Variants in XRN1 observed in about 807,000 individuals in gnomAD.
XRN1 encodes 5'-3' exoribonuclease 1.
A neutral mutation model predicts 222.3 loss-of-function variants in XRN1; 67 were observed. The observed-to-expected ratio is 0.30, with a 90% CI of 0.25 to 0.37. XRN1 has a LOEUF of 0.37. XRN1 is among the 10% of genes least tolerant of loss of function. The pLI, the probability that XRN1 is intolerant of heterozygous loss-of-function variation, is 1.00. For missense variants in XRN1, 1,707 were observed against 2,000.2 expected, an observed-to-expected ratio of 0.85 and a Z score of 2.80; for synonymous variants, 643 against 652.4, an observed-to-expected ratio of 0.99 and a Z score of 0.22.
intron 1 of XRN1, among the ~76,000 whole-genome samples, chr3:142,436,929 AT>A (rs35661615): frequency 6.6e-6 from 1 of 152,144 alleles, no homozygotes; most frequent in African/African-American, 2.4e-5. Context: ...TAATTTTTAT[AT>A]TTTTCCGCAT....
At chr3:142,322,830 C>T (rs1251103829) in intron 37 of XRN1, among the ~76,000 whole-genome samples, 1 of 152,046 alleles carries the variant, frequency 6.6e-6, no homozygotes, top group East Asian at 1.9e-4. Context: ...TGGTGAAACC[C>T]CGTCTCTATT....
chr3:142,432,111 AATAT>A (rs1363254866), intron 2 of XRN1, among the ~76,000 whole-genome samples: 23 of 112,728 alleles, frequency 2.0e-4, no homozygotes, highest in African/African-American at 7.7e-4. Flanking sequence ...ATTATATATA[AATAT>A]ATAAATATAT....
chr3:142,371,135 A>C, intron 26 of XRN1, 104 bp downstream of exon 26: 1 of 989,528 alleles, frequency 1.0e-6, no homozygotes, highest in South Asian at 1.6e-5. Flanking sequence ...GTCTCAAAAA[A>C]AAAAAAAAAA....
chr3:142,346,971 A>G (rs2066161063), intron 33 of XRN1, among the ~76,000 whole-genome samples: 1 of 152,228 alleles, frequency 6.6e-6, no homozygotes, highest in Admixed American at 6.5e-5. Flanking sequence ...ATATCCATAG[A>G]GGCAGAAAGT....
chr3:142,397,925 A>G (rs1212650250), intron 19 of XRN1, among the ~76,000 whole-genome samples: 2 of 152,194 alleles, frequency 1.3e-5, no homozygotes, highest in African/African-American at 4.8e-5. Context: ...GTATTCTACA[A>G]ATATATACAA....
chr3:142,393,271 A>G (rs1177789606), intron 20 of XRN1, among the ~76,000 whole-genome samples: 1 of 149,986 alleles, frequency 6.7e-6, no homozygotes, highest in Non-Finnish European at 1.5e-5. Flanking sequence ...CCCATTTTGT[A>G]GGTCGCCTGT....
At chr3:142,325,418 AT>A (rs1336212831) in intron 37 of XRN1, among the ~76,000 whole-genome samples, 1 of 151,914 alleles carries the variant, frequency 6.6e-6, no homozygotes, top group Non-Finnish European at 1.5e-5. Flanking sequence ...TTATAGTTAT[AT>A]TTTATTTTTT....
intron 2 of XRN1, 106 bp downstream of exon 2, chr3:142,432,555 G>A (rs1005041733): frequency 1.1e-4 from 123 of 1,077,684 alleles, no homozygotes; most frequent in Admixed American, 1.5e-4. Context: ...GGGAGTTTAC[G>A]CAGAAAATAA....
At chr3:142,370,984 A>T (rs572315869) in intron 26 of XRN1, among the ~76,000 whole-genome samples, 2 of 152,254 alleles carry the variant, frequency 1.3e-5, no homozygotes, top group Non-Finnish European at 2.9e-5. Flanking sequence ...CAAAAAAAAA[A>T]ATTAGTCAAA....
At chr3:142,326,851 A>C (rs1294849523) in intron 37 of XRN1, among the ~76,000 whole-genome samples, 1 of 152,142 alleles carries the variant, frequency 6.6e-6, no homozygotes, top group African/African-American at 2.4e-5. Flanking sequence ...AATTTTATCA[A>C]ACACTTTTTC....
At chr3:142,352,241 T>C (rs549343269) in intron 32 of XRN1, among the ~76,000 whole-genome samples, 1 of 152,316 alleles carries the variant, frequency 6.6e-6, no homozygotes, top group East Asian at 1.9e-4. Context: ...CCCCAAGGCA[T>C]AATTGGGCAA....
At chr3:142,385,234 G>T (rs1310334515) in intron 20 of XRN1, among the ~76,000 whole-genome samples, 3 of 152,022 alleles carry the variant, frequency 2.0e-5, no homozygotes, top group African/African-American at 7.2e-5. Context: ...GTTCATAAAT[G>T]AACAAATGGA....
At chr3:142,372,127 T>C (rs2067007612) in intron 25 of XRN1, among the ~76,000 whole-genome samples, 1 of 152,160 alleles carries the variant, frequency 6.6e-6, no homozygotes, top group Non-Finnish European at 1.5e-5. Context: ...TACTGTCATG[T>C]GGTTGCCTGC....
At chr3:142,333,174 C>A in intron 34 of XRN1, 85 bp from the exon 35 acceptor site, 1 of 1,423,626 alleles carries the variant, frequency 7.0e-7, no homozygotes, top group Non-Finnish European at 9.4e-7. Flanking sequence ...CAAAAATGGT[C>A]ATTCGATTTT....
intron 32 of XRN1, among the ~76,000 whole-genome samples, chr3:142,350,945 G>A (rs1392234277): frequency 6.6e-5 from 10 of 152,162 alleles, no homozygotes; most frequent in African/African-American, 1.2e-4. Context: ...GGACATTTGA[G>A]TGGAGATGAA....
At chr3:142,444,020 T>C (rs1293291029) in intron 1 of XRN1, among the ~76,000 whole-genome samples, 1 of 152,182 alleles carries the variant, frequency 6.6e-6, no homozygotes, top group African/African-American at 2.4e-5. Flanking sequence ...TTATGGAATC[T>C]AAAAATCAAA....
intron 20 of XRN1, among the ~76,000 whole-genome samples, chr3:142,387,303 T>A (rs2067541698): frequency 6.6e-6 from 1 of 152,182 alleles, no homozygotes; most frequent in Admixed American, 6.6e-5. Context: ...AAAATGGTTA[T>A]CCTCGTCACT....
chr3:142,422,898 T>A lies in XRN1; in HGVS notation c.735A>T (p.Thr245=). 1.2e-6 allele frequency: 2 copies of A among 1,612,406 alleles called. No individual in the cohort carries two copies. The highest frequency in any genetic ancestry group is 1.7e-6 in the Non-Finnish European group (2 of 1,178,954). Residue 245 remains threonine, a synonymous_variant, in exon 7 of 41, where the codon ACA becomes ACT. Transcript: ENST00000392981. Reference sequence around the variant, plus strand: ...TTAAAGACAAGTGTAGAAGGTGAAATGTAGTTTCTTCTGGAGCACATACCC... The same window carrying A: ...TTAAAGACAAGTGTAGAAGGTGAAAAGTAGTTTCTTCTGGAGCACATACCC... ...TQRVCAPEET[T]FHLLHLSLMR...
At chr3:142,410,630 G>A (rs1227904265) in intron 15 of XRN1, among the ~76,000 whole-genome samples, 1 of 151,562 alleles carries the variant, frequency 6.6e-6, no homozygotes, top group Non-Finnish European at 1.5e-5. Context: ...GAGAAGCTGG[G>A]ACTACAGGTG....
Sources: gnomAD v4.1 joint callset for allele counts (sites outside exome capture counted in the v4.1 genomes callset) on GRCh38, gnomAD v4.1.1 for gene constraint, MANE v1.5 for transcripts, NCBI Gene and HGNC (gene_info 2026-07-23, HGNC 2026-07-21) for gene names.